DPP6: variants seen among roughly 807,000 people sequenced by gnomAD.
DPP6 encodes the protein A-type potassium channel modulatory protein DPP6.
Under a neutral mutation model 122.6 loss-of-function variants are expected in DPP6, and 69 were observed. That is an observed-to-expected ratio of 0.56 (90% CI 0.46 to 0.69). DPP6 has a LOEUF of 0.69. DPP6 is among the 30% of genes least tolerant of loss of function. The probability of loss-of-function intolerance (pLI) is 0.00; values close to 1 mark genes in which losing one functional copy is unlikely to be tolerated. For synonymous variants in DPP6, 418 were observed against 433.1 expected, an observed-to-expected ratio of 0.97 and a Z score of 0.43; for missense variants, 928 against 1,116.9, an observed-to-expected ratio of 0.83 and a Z score of 2.41.
At chr7:154,505,790 G>A (rs935417049) in intron 3 of DPP6, among the ~76,000 whole-genome samples, 5 of 152,082 alleles carry the variant, frequency 3.3e-5, no homozygotes, top group Non-Finnish European at 5.9e-5. Flanking sequence ...GGCTAAAGTC[G>A]TACTTGTCAT....
At position 153,895,728 on chromosome 7, in the gene DPP6, GCACACACACACACA is replaced by G. The variant is rs10599371; in HGVS notation, c.51+8017_51+8030del. Among the ~76,000 whole-genome samples the G allele has an allele frequency of 1.5e-3, 226 of 149,946 alleles. 1 individual carries two copies. Among genetic ancestry groups the G allele is most frequent in the African/African-American group, 5.2e-3 (210 of 40,578 alleles). On this transcript the variant is annotated intron_variant, in intron 1 of 25. Transcript: ENST00000404039. ...ACCATATACATGCATGTGCATGCGT[GCACACACACACACA>G]CACACACACACACACACACACAATG...
chr7:153,973,370 G>A (rs1414369098), intron 1 of DPP6, among the ~76,000 whole-genome samples: 3 of 152,286 alleles, frequency 2.0e-5, no homozygotes, highest in Middle Eastern at 3.4e-3. Context: ...GCCGTTGTCC[G>A]ACCTGAATCA....
intron 1 of DPP6, among the ~76,000 whole-genome samples, chr7:154,153,663 A>G (rs538704104): frequency 2.5e-3 from 382 of 152,352 alleles, no homozygotes; most frequent in African/African-American, 8.7e-3. Context: ...AGGGGTCAGC[A>G]AAATTCTACA....
intron 1 of DPP6, among the ~76,000 whole-genome samples, chr7:154,039,246 T>C (rs1354179379): frequency 6.9e-6 from 1 of 144,734 alleles, no homozygotes; most frequent in Admixed American, 6.7e-5. Context: ...TCTCTTGATG[T>C]CCTAGCTTCC....
intron 1 of DPP6, among the ~76,000 whole-genome samples, chr7:153,951,418 C>T (rs60852399): frequency 0.28 from 42,395 of 151,846 alleles, 6,447 homozygotes; most frequent in East Asian, 0.59. Context: ...GTGAGATACA[C>T]GTATGGGGGC....
At chr7:154,799,326 A>G (rs1220717243) in intron 12 of DPP6, among the ~76,000 whole-genome samples, 1 of 152,056 alleles carries the variant, frequency 6.6e-6, no homozygotes, top group South Asian at 2.1e-4. Flanking sequence ...GTGGAGACCC[A>G]CCAAGTTCCC....
At chr7:154,115,831 G>C (rs923524301) in intron 1 of DPP6, among the ~76,000 whole-genome samples, 23 of 152,180 alleles carry the variant, frequency 1.5e-4, no homozygotes, top group Admixed American at 1.3e-4. Flanking sequence ...AATTACACCT[G>C]CAGAGCTGAC....
intron 1 of DPP6, among the ~76,000 whole-genome samples, chr7:154,017,386 AATTT>A (rs1272235100): frequency 6.6e-6 from 1 of 152,114 alleles, no homozygotes; most frequent in Non-Finnish European, 1.5e-5. Flanking sequence ...AGTCAACAAT[AATTT>A]ATTGTATATT....
intron 7 of DPP6, 76 bp downstream of exon 7, chr7:154,669,517 G>C (rs1838415365): frequency 6.6e-7 from 1 of 1,524,230 alleles, no homozygotes; most frequent in East Asian, 2.5e-5. Flanking sequence ...GGATCTCACT[G>C]TACTCAGCCT....
At chr7:154,346,962 G>A (rs1381389506) in intron 1 of DPP6, among the ~76,000 whole-genome samples, 1 of 152,114 alleles carries the variant, frequency 6.6e-6, no homozygotes, top group Non-Finnish European at 1.5e-5. Context: ...CTCTAGAGAT[G>A]GATGTGAGAA....
At chr7:154,589,026 C>T (rs756566340) in intron 5 of DPP6, among the ~76,000 whole-genome samples, 2 of 152,148 alleles carry the variant, frequency 1.3e-5, no homozygotes, top group African/African-American at 4.8e-5. Flanking sequence ...CTTGTGATTT[C>T]ATTGAGAGGT....
In DPP6 at chr7:154,196,421, T is replaced by C. The variant is rs372321160; in HGVS notation, c.243+143358T>C. On this transcript the variant is annotated intron_variant, in intron 1 of 25. Transcript: ENST00000377770. ...AGAAGAATCCCTTGAACCCAGGAGG[T>C]GGAGGTTGCAGTGAGCTGAGATTGT... 8.9e-4 allele frequency among the ~76,000 whole-genome samples: 135 copies of C among 152,194 alleles called. 1 individual carries two copies. The highest frequency in any genetic ancestry group is 3.2e-3 in the African/African-American group (132 of 41,534).
intron 16 of DPP6, among the ~76,000 whole-genome samples, chr7:154,839,792 G>A (rs1384701603): frequency 6.6e-6 from 1 of 152,148 alleles, no homozygotes; most frequent in Non-Finnish European, 1.5e-5. Flanking sequence ...AGAATGCTGG[G>A]CCACAGTGTG....
At chr7:153,810,682 CTCTCTCTCTCTCT>C in the DPP6 span, among the ~76,000 whole-genome samples, 17 of 141,878 alleles carry the variant, frequency 1.2e-4, no homozygotes, top group Admixed American at 2.8e-4. Context: ...CTCTCTCTCT[CTCTCTCTCTCTCT>C]CTCTCTCTCT....
At chr7:154,283,024 G>A (rs574224474) in intron 1 of DPP6, among the ~76,000 whole-genome samples, 1 of 152,274 alleles carries the variant, frequency 6.6e-6, no homozygotes, top group South Asian at 2.1e-4. Flanking sequence ...GTGGAATCAG[G>A]ATACCTTACC....
At chr7:154,210,448 A>T (rs1799679556) in intron 1 of DPP6, among the ~76,000 whole-genome samples, 1 of 152,220 alleles carries the variant, frequency 6.6e-6, no homozygotes, top group South Asian at 2.1e-4. Context: ...ACTTCTGGCA[A>T]AATTTAAAAT....
chr7:153,918,448 A>G (rs1301464470), intron 1 of DPP6, among the ~76,000 whole-genome samples: 4 of 135,570 alleles, frequency 3.0e-5, no homozygotes, highest in African/African-American at 8.2e-5. Flanking sequence ...ACACACACAC[A>G]CACACACACA....
chr7:153,792,660 CTT>C, the DPP6 span, among the ~76,000 whole-genome samples: 4 of 146,316 alleles, frequency 2.7e-5, no homozygotes, highest in African/African-American at 1.0e-4. Flanking sequence ...TAAAGTTGTT[CTT>C]TTTTTTTTTC....
At position 154,723,225 on chromosome 7, in the gene DPP6, C is replaced by T. The variant is rs1241308277; in HGVS notation, c.763-4542C>T. Among the ~76,000 whole-genome samples the T allele has an allele frequency of 2.6e-5, 4 of 152,170 alleles. No homozygotes were observed. The East Asian group carries it at 5.8e-4, about 22-fold the overall frequency. On this transcript the variant is annotated intron_variant, in intron 7 of 25. Coordinates refer to ENST00000377770, the MANE Select transcript of DPP6 (RefSeq NM_130797.4). Reference sequence around the variant, plus strand: ...TGAGCTGAGACTGAGCCACTGCACTCCAGCCTGGGTGACAGAGCAAGACTC... The same window carrying T: ...TGAGCTGAGACTGAGCCACTGCACTTCAGCCTGGGTGACAGAGCAAGACTC...
Sources: gnomAD v4.1 joint callset for allele counts (sites outside exome capture counted in the v4.1 genomes callset) on GRCh38, gnomAD v4.1.1 for gene constraint, MANE v1.5 for transcripts, NCBI Gene and HGNC (gene_info 2026-07-23, HGNC 2026-07-21) for gene names.